DNM3: variants seen among roughly 807,000 people sequenced by gnomAD.
DNM3 encodes dynamin 3, also known as dynamin-3.
In DNM3, 47 loss-of-function variants were observed where a neutral mutation model predicts 101.6. That is an observed-to-expected ratio of 0.46 (90% confidence interval 0.37 to 0.59). DNM3 has a LOEUF of 0.59. Among genes scored for constraint, DNM3 ranks in the 20% least tolerant of loss-of-function variants. The probability of loss-of-function intolerance (pLI) is 0.00; values close to 1 mark genes in which losing one functional copy is unlikely to be tolerated. For synonymous variants in DNM3, 385 were observed against 387.9 expected, an observed-to-expected ratio of 0.99 and a Z score of 0.09; for missense variants, 849 against 1,085.7, an observed-to-expected ratio of 0.78 and a Z score of 3.06.
intron 10 of DNM3, among the ~76,000 whole-genome samples, chr1:172,067,133 A>G (rs1204799235): frequency 6.6e-6 from 1 of 152,190 alleles, no homozygotes; most frequent in East Asian, 1.9e-4. Flanking sequence ...GCAATTTGCC[A>G]ATATAATAGT....
At chr1:172,033,365 C>A in intron 6 of DNM3, 100 bp downstream of exon 6, 1 of 1,266,416 alleles carries the variant, frequency 7.9e-7, no homozygotes, top group Non-Finnish European at 1.1e-6. Context: ...TTTTCCAAAA[C>A]AAGACATGCA....
intron 1 of DNM3, among the ~76,000 whole-genome samples, chr1:171,846,554 A>G (rs1170505171): frequency 1.3e-5 from 2 of 152,198 alleles, no homozygotes; most frequent in African/African-American, 4.8e-5. Flanking sequence ...TGCTATGGCT[A>G]GTAAGTTAAA....
At chr1:172,243,005 A>G (rs1369501628) in intron 14 of DNM3, among the ~76,000 whole-genome samples, 1 of 152,008 alleles carries the variant, frequency 6.6e-6, no homozygotes, top group Admixed American at 6.6e-5. Context: ...TTTCTTTGTT[A>G]TTGTGGATTA....
intron 4 of DNM3, among the ~76,000 whole-genome samples, chr1:172,030,090 T>C (rs904574980): frequency 3.3e-5 from 5 of 152,032 alleles, no homozygotes; most frequent in Admixed American, 3.3e-4. Flanking sequence ...AAAGAGCCCA[T>C]GTAGCCAAGA....
At chr1:172,080,079 C>G (rs2053014251) in intron 11 of DNM3, among the ~76,000 whole-genome samples, 1 of 152,104 alleles carries the variant, frequency 6.6e-6, no homozygotes, top group East Asian at 1.9e-4. Flanking sequence ...GAAGGTGTCT[C>G]CCAGTCAGGA....
At chr1:172,328,203 C>G (rs10158839) in intron 17 of DNM3, among the ~76,000 whole-genome samples, 83,404 of 151,908 alleles carry the variant, frequency 0.55, 23,853 homozygotes, top group African/African-American at 0.71. Flanking sequence ...ATGAAGTGAC[C>G]TCTCTAGTTA....
intron 2 of DNM3, among the ~76,000 whole-genome samples, chr1:171,969,601 T>C (rs1464941924): frequency 6.6e-6 from 1 of 152,140 alleles, no homozygotes; most frequent in Admixed American, 6.6e-5. Context: ...TGCATTTCTT[T>C]GATAAAGAAG....
chr1:172,266,439 A>C (rs2062861480), intron 15 of DNM3, among the ~76,000 whole-genome samples: 1 of 152,186 alleles, frequency 6.6e-6, no homozygotes, highest in African/African-American at 2.4e-5. Flanking sequence ...AGCATGTAAT[A>C]TTCTGGACTC....
At chr1:172,078,987 G>T (rs547813563) in intron 11 of DNM3, among the ~76,000 whole-genome samples, 1 of 152,276 alleles carries the variant, frequency 6.6e-6, no homozygotes, top group East Asian at 1.9e-4. Context: ...AGATATATCC[G>T]CTGTTAGTCT....
intron 14 of DNM3, among the ~76,000 whole-genome samples, chr1:172,142,490 G>A (rs983411041): frequency 6.6e-6 from 1 of 151,982 alleles, no homozygotes; most frequent in African/African-American, 2.4e-5. Flanking sequence ...CATCAAGCAT[G>A]TGCAGGAACT....
At chr1:171,998,656 C>T (rs1160664810) in intron 4 of DNM3, among the ~76,000 whole-genome samples, 1 of 151,976 alleles carries the variant, frequency 6.6e-6, no homozygotes, top group Non-Finnish European at 1.5e-5. Flanking sequence ...ACAGAAAACC[C>T]ATTAGTATAA....
At chr1:172,039,260 G>A (rs1357441755) in intron 7 of DNM3, among the ~76,000 whole-genome samples, 2 of 152,046 alleles carry the variant, frequency 1.3e-5, no homozygotes, top group Non-Finnish European at 2.9e-5. Context: ...GTCTACCTCC[G>A]AAGATGATGT....
At chr1:172,227,217 G>A (rs948728246) in intron 14 of DNM3, among the ~76,000 whole-genome samples, 3 of 140,448 alleles carry the variant, frequency 2.1e-5, no homozygotes, top group African/African-American at 7.9e-5. Context: ...TTACATCCAA[G>A]TTGCTGCAAA....
chr1:172,178,765 G>A (rs1323223067), intron 14 of DNM3, among the ~76,000 whole-genome samples: 2 of 151,924 alleles, frequency 1.3e-5, no homozygotes, highest in Non-Finnish European at 2.9e-5. Context: ...CACTGGGTTT[G>A]ATTATTAGTT....
At chr1:172,239,437 T>A (rs1376993064) in intron 14 of DNM3, among the ~76,000 whole-genome samples, 1 of 152,064 alleles carries the variant, frequency 6.6e-6, no homozygotes, top group Non-Finnish European at 1.5e-5. Flanking sequence ...TGGTCTCAAA[T>A]CTCCATACCC....
chr1:172,258,825 G>C (rs1255440725), intron 15 of DNM3, among the ~76,000 whole-genome samples: 2 of 151,386 alleles, frequency 1.3e-5, no homozygotes, highest in Non-Finnish European at 2.9e-5. Flanking sequence ...CTAGTTCCTT[G>C]AGATCCATCA....
intron 4 of DNM3, among the ~76,000 whole-genome samples, chr1:172,012,027 T>C (rs542304764): frequency 1.5e-4 from 23 of 152,200 alleles, no homozygotes; most frequent in Middle Eastern, 3.4e-3. Flanking sequence ...ATTTGCAACA[T>C]TTGTTTCCTT....
At chr1:172,361,975 CA>C (rs2067765970) in intron 17 of DNM3, among the ~76,000 whole-genome samples, 1 of 151,944 alleles carries the variant, frequency 6.6e-6, no homozygotes, top group Non-Finnish European at 1.5e-5. Flanking sequence ...TCACCTGCTC[CA>C]AAAATGATCT....
At chr1:171,880,094 T>C (rs1369449005) in intron 1 of DNM3, among the ~76,000 whole-genome samples, 3 of 152,282 alleles carry the variant, frequency 2.0e-5, no homozygotes, top group East Asian at 1.9e-4. Context: ...AAGGCAAATA[T>C]GGAGATTGGA....
Sources: allele counts gnomAD v4.1 joint callset (sites outside exome capture counted in the v4.1 genomes callset), GRCh38; gene constraint gnomAD v4.1.1; transcripts MANE v1.5; gene names NCBI Gene and HGNC (gene_info 2026-07-23, HGNC 2026-07-21).